Variants in TANGO6 observed in about 807,000 individuals in gnomAD.
TANGO6 encodes the protein transport and Golgi organization protein 6 homolog.
A neutral mutation model predicts 114.2 loss-of-function variants in TANGO6; 90 were observed. That is an observed-to-expected ratio of 0.79 (90% CI 0.66 to 0.94). TANGO6 has a LOEUF of 0.94. Among genes scored for constraint, TANGO6 ranks in the 40% least tolerant of loss-of-function variants. The probability of loss-of-function intolerance (pLI) is 0.00; values close to 1 mark genes in which losing one functional copy is unlikely to be tolerated. For synonymous variants in TANGO6, 477 were observed against 509.8 expected, an observed-to-expected ratio of 0.94 and a Z score of 0.87; for missense variants, 1,274 against 1,315.3, an observed-to-expected ratio of 0.97 and a Z score of 0.49.
At chr16:69,077,698 A>G (rs1302889934) in intron 17 of TANGO6, among the ~76,000 whole-genome samples, 1 of 152,022 alleles carries the variant, frequency 6.6e-6, no homozygotes, top group East Asian at 1.9e-4. Context: ...GCGTGGTGGC[A>G]CGTGCCTGTA....
At chr16:69,032,875 CAAA>C (rs11300295) in intron 16 of TANGO6, among the ~76,000 whole-genome samples, 17 of 124,092 alleles carry the variant, frequency 1.4e-4, no homozygotes, top group Admixed American at 1.6e-4. Context: ...GACTCCATCT[CAAA>C]AAAAAAAAAA....
At chr16:68,997,363 T>C (rs1964001177) in intron 15 of TANGO6, among the ~76,000 whole-genome samples, 1 of 152,220 alleles carries the variant, frequency 6.6e-6, no homozygotes. Flanking sequence ...GATTGTATTC[T>C]GAACAGGGAT....
chr16:68,855,746 A>G (rs574015891), intron 1 of TANGO6, among the ~76,000 whole-genome samples: 3 of 152,028 alleles, frequency 2.0e-5, no homozygotes, highest in East Asian at 1.9e-4. Flanking sequence ...TTAGCCAAGC[A>G]TTATTACGGG....
chr16:69,022,973 C>G lies in TANGO6; in HGVS notation c.2988C>G (p.Val996=). Residue 996 remains valine, a synonymous_variant, in exon 16 of 18, where the codon GTC becomes GTG. Transcript: ENST00000261778. ...TGGACTTTCTGCTGGGCTCCGTGGTCCATGAGGTACTGTATTTTGATTCCT... is the reference window on the plus strand; with the variant it reads ...TGGACTTTCTGCTGGGCTCCGTGGTGCATGAGGTACTGTATTTTGATTCCT... ...QRLDFLLGSV[V]HEVTACLIAV... is the part of the protein sequence containing the mutation. 1 of 1,582,198 alleles carries G rather than the reference C, an allele frequency of 6.3e-7. No individual in the cohort carries two copies. The highest frequency in any genetic ancestry group is 8.5e-7 in the Non-Finnish European group (1 of 1,169,858).
chr16:68,957,643 C>T (rs986982537), intron 14 of TANGO6, among the ~76,000 whole-genome samples: 1 of 151,902 alleles, frequency 6.6e-6, no homozygotes, highest in African/African-American at 2.4e-5. Context: ...AAATCATCTG[C>T]CCACGTTGGC....
At chr16:68,973,242 C>T (rs1234164614) in intron 14 of TANGO6, 2 of 433,052 alleles carry the variant, frequency 4.6e-6, no homozygotes, top group South Asian at 1.6e-5. Context: ...CATCCTGGAA[C>T]CCCTATTTCT....
intron 7 of TANGO6, among the ~76,000 whole-genome samples, chr16:68,893,876 C>T (rs1335427309): frequency 2.6e-5 from 4 of 151,968 alleles, no homozygotes; most frequent in Non-Finnish European, 5.9e-5. Context: ...CCCCCCGCCC[C>T]GCCCCAACTA....
intron 17 of TANGO6, among the ~76,000 whole-genome samples, chr16:69,055,180 G>C (rs1960014903): frequency 6.6e-6 from 1 of 152,164 alleles, no homozygotes; most frequent in African/African-American, 2.4e-5. Flanking sequence ...ACTGTACTCA[G>C]AGTTATTTGG....
chr16:68,861,101 A>G (rs556724083), intron 2 of TANGO6, among the ~76,000 whole-genome samples: 1 of 152,248 alleles, frequency 6.6e-6, no homozygotes, highest in South Asian at 2.1e-4. Context: ...TGCTGTGGAG[A>G]TCATAGACAC....
chr16:68,885,035 A>T (rs1962520837), intron 7 of TANGO6, among the ~76,000 whole-genome samples: 1 of 152,202 alleles, frequency 6.6e-6, no homozygotes, highest in African/African-American at 2.4e-5. Context: ...TGTATGTTGG[A>T]GGAAAATGGT....
At chr16:68,890,339 A>G (rs1307614120) in intron 7 of TANGO6, among the ~76,000 whole-genome samples, 1 of 152,242 alleles carries the variant, frequency 6.6e-6, no homozygotes, top group East Asian at 1.9e-4. Flanking sequence ...AACATGAATT[A>G]TCTTAATTGG....
chr16:68,869,683 G>T (rs1044231552), intron 4 of TANGO6, among the ~76,000 whole-genome samples: 2 of 152,092 alleles, frequency 1.3e-5, no homozygotes, highest in African/African-American at 4.8e-5. Flanking sequence ...TCCCCTGCCT[G>T]TTAGTTTCCT....
At chr16:69,023,341 G>A (rs527907090) in intron 16 of TANGO6, among the ~76,000 whole-genome samples, 7 of 151,774 alleles carry the variant, frequency 4.6e-5, no homozygotes, top group African/African-American at 7.2e-5. Context: ...CTATAATCCC[G>A]GCTACTCAGG....
At chr16:69,045,182 C>T (rs962590731) in intron 17 of TANGO6, among the ~76,000 whole-genome samples, 14 of 143,686 alleles carry the variant, frequency 9.7e-5, no homozygotes, top group East Asian at 6.2e-4. Context: ...AAGCTGGGCG[C>T]GGCGACTCAC....
chr16:68,922,191 T>C (rs1963102526), intron 12 of TANGO6, among the ~76,000 whole-genome samples: 2 of 151,598 alleles, frequency 1.3e-5, no homozygotes, highest in African/African-American at 4.9e-5. Context: ...AGGAGTTAAT[T>C]TGGAAAAAGC....
At chr16:68,980,950 C>T (rs1057222269) in intron 15 of TANGO6, among the ~76,000 whole-genome samples, 1 of 151,706 alleles carries the variant, frequency 6.6e-6, no homozygotes, top group Admixed American at 6.6e-5. Context: ...GCCGAGATCA[C>T]GCCACTGCAC....
intron 7 of TANGO6, among the ~76,000 whole-genome samples, chr16:68,899,714 C>G (rs1359134946): frequency 6.6e-6 from 1 of 152,014 alleles, no homozygotes; most frequent in East Asian, 1.9e-4. Context: ...ATCCTCCTGC[C>G]TCAGCCTACC....
At chr16:68,848,865 G>T (rs1290115313) in intron 1 of TANGO6, among the ~76,000 whole-genome samples, 1 of 151,860 alleles carries the variant, frequency 6.6e-6, no homozygotes, top group African/African-American at 2.4e-5. Flanking sequence ...AACCATTTCC[G>T]ACTGGCTCTT....
At chr16:69,046,541 C>T (rs926993717) in intron 17 of TANGO6, among the ~76,000 whole-genome samples, 1 of 151,980 alleles carries the variant, frequency 6.6e-6, no homozygotes, top group Non-Finnish European at 1.5e-5. Context: ...GTCTCAAACT[C>T]CTGACCTCAG....
Sources: gnomAD v4.1 joint callset for allele counts (sites outside exome capture counted in the v4.1 genomes callset) on GRCh38, gnomAD v4.1.1 for gene constraint, MANE v1.5 for transcripts, NCBI Gene and HGNC (gene_info 2026-07-23, HGNC 2026-07-21) for gene names.